SUSD6: variants seen among roughly 807,000 people sequenced by gnomAD.
SUSD6 encodes the protein sushi domain containing 6.
In SUSD6, 16 loss-of-function variants were observed where a neutral mutation model predicts 28.4. The ratio of observed to expected loss-of-function variants is 0.56; its 90% confidence interval spans 0.38 to 0.86. The LOEUF (loss-of-function observed/expected upper bound fraction) is 0.86, where lower values mean the gene tolerates loss of function less well. Ranked by LOEUF, SUSD6 falls within the 40% of genes least tolerant of loss-of-function variation. SUSD6 has a pLI of 0.00. For synonymous variants in SUSD6, 147 were observed against 159.6 expected (o/e 0.92, Z 0.59); for missense variants, 341 against 384.2 (o/e 0.89, Z 0.94).
rs756403613 is a variant in SUSD6, at chr14:69,712,664, G to C, written c.*1685G>C. ...AGATGAGGGGAGTGGTCTTCTCCCA[G>C]CCTTTTACCCTCTTGCCTCCTGCCT... is the stretch of plus-strand genomic sequence containing the variant. On this transcript the variant is annotated 3_prime_UTR_variant, in exon 6 of 6. Coordinates refer to ENST00000342745, the MANE Select transcript of SUSD6 (RefSeq NM_014734.4). The C allele has an allele frequency of 2.6e-5, 4 of 152,310 alleles. No homozygotes were observed. Among genetic ancestry groups the C allele is most frequent in the Non-Finnish European group, 4.4e-5 (3 of 68,182 alleles). The allele number at this position is 152,310 out of a possible 1,614,324, so 9.4% of individuals were successfully genotyped here. A position where few individuals can be genotyped will look rare whatever the true frequency, so the allele number is the denominator to read the frequency against.
At chr14:69,638,124 G>A (rs879689046) in intron 1 of SUSD6, among the ~76,000 whole-genome samples, 2 of 152,152 alleles carry the variant, frequency 1.3e-5, no homozygotes, top group Non-Finnish European at 2.9e-5. Context: ...AACAAAAAAT[G>A]TTAGAAATGA....
chr14:69,646,265 T>C (rs1356807880), intron 1 of SUSD6, among the ~76,000 whole-genome samples: 1 of 152,188 alleles, frequency 6.6e-6, no homozygotes, highest in African/African-American at 2.4e-5. Flanking sequence ...ATGCCCCTGG[T>C]TTCCATGTAC....
Position 69,714,508 on chromosome 14 carries a change from G to T in SUSD6, c.*3529G>T, listed in dbSNP as rs1329558164. The T allele has an allele frequency of 6.6e-6, 1 of 152,240 alleles. No individual in the cohort carries two copies. The highest frequency in any genetic ancestry group is 1.5e-5 in the Non-Finnish European group (1 of 68,054). 9.4% of individuals were successfully genotyped at this position (152,240 alleles called of 1,614,324 possible). A position where few individuals can be genotyped will look rare whatever the true frequency, so the allele number is the denominator to read the frequency against. On this transcript the variant is annotated 3_prime_UTR_variant, in exon 6 of 6. Coordinates refer to ENST00000342745, the MANE Select transcript of SUSD6 (RefSeq NM_014734.4). The stretch of plus-strand genomic sequence containing the variant: ...TTCACAGCTTAATGCCAAGGACAGC[G>T]AGTGAGGCTGGGAGCTTCTCTTGGG...
chr14:69,639,779 A>G (rs896819636), intron 1 of SUSD6, among the ~76,000 whole-genome samples: 2 of 152,102 alleles, frequency 1.3e-5, no homozygotes, highest in African/African-American at 4.8e-5. Context: ...TTTAGTTGAC[A>G]TGCCTTGCTC....
chr14:69,708,631 T>G (rs2139648379), intron 4 of SUSD6, 46 bp from the exon 5 acceptor site: 1 of 1,429,262 alleles, frequency 7.0e-7, no homozygotes, highest in Admixed American at 2.3e-5. Context: ...TGTTTCTCTG[T>G]GTGTTTATTC....
At chr14:69,695,414 G>A (rs573158931) in intron 2 of SUSD6, among the ~76,000 whole-genome samples, 4 of 152,346 alleles carry the variant, frequency 2.6e-5, no homozygotes, top group Admixed American at 2.6e-4. Context: ...GGACTTTTGC[G>A]AAGGAACCTT....
chr14:69,703,441 C>T lies in SUSD6; in HGVS notation c.168C>T (p.His56=), dbSNP rs1886340636. ...PEPENGGYIC[H]PRPCRDPLTA... ...CAGAGAATGGTGGCTACATCTGCCACCCCCGGCCCTGCAGAGACCCCCTGA... is the reference window on the plus strand; with the variant it reads ...CAGAGAATGGTGGCTACATCTGCCATCCCCGGCCCTGCAGAGACCCCCTGA... Residue 56 remains histidine (H), a synonymous_variant, in exon 3 of 6, where the codon CAC becomes CAT. Coordinates refer to ENST00000342745, the MANE Select transcript of SUSD6 (RefSeq NM_014734.4). The T allele has an allele frequency of 6.2e-7, 1 of 1,613,916 alleles. No individual in the cohort carries two copies. The highest frequency in any genetic ancestry group is 1.7e-5 in the Admixed American group (1 of 59,994).
At chr14:69,655,868 C>T (rs1240888256) in intron 1 of SUSD6, among the ~76,000 whole-genome samples, 1 of 152,076 alleles carries the variant, frequency 6.6e-6, no homozygotes, top group East Asian at 1.9e-4. Flanking sequence ...CTGCTCTTCC[C>T]TTGCCTGTCC....
intron 1 of SUSD6, among the ~76,000 whole-genome samples, chr14:69,643,167 T>C (rs1207175230): frequency 6.6e-6 from 1 of 152,212 alleles, no homozygotes; most frequent in Non-Finnish European, 1.5e-5. Context: ...CGTTATTTTA[T>C]CTGGTTTTTC....
intron 1 of SUSD6, among the ~76,000 whole-genome samples, chr14:69,635,012 T>C (rs887655046): frequency 3.9e-5 from 6 of 152,212 alleles, no homozygotes; most frequent in Non-Finnish European, 8.8e-5. Context: ...CTTAAGTTTA[T>C]TTAAATGTCA....
chr14:69,675,045 C>A (rs924792901), intron 2 of SUSD6, among the ~76,000 whole-genome samples: 6 of 152,088 alleles, frequency 3.9e-5, no homozygotes, highest in East Asian at 1.9e-4. Flanking sequence ...ATTTCCCCCC[C>A]ACCCCTCTGC....
chr14:69,679,144 A>G (rs149326757), intron 2 of SUSD6, among the ~76,000 whole-genome samples: 44 of 152,194 alleles, frequency 2.9e-4, no homozygotes, highest in African/African-American at 1.0e-3. Flanking sequence ...TCCTCTCCCA[A>G]TTTGTAGATT....
At chr14:69,651,083 AAAG>A (rs1186090307) in intron 1 of SUSD6, among the ~76,000 whole-genome samples, 1 of 152,196 alleles carries the variant, frequency 6.6e-6, no homozygotes, top group Non-Finnish European at 1.5e-5. Flanking sequence ...CTTACAGCTG[AAAG>A]GTCCTTTGGG....
At chr14:69,685,249 A>G (rs1200673386) in intron 2 of SUSD6, among the ~76,000 whole-genome samples, 1 of 152,210 alleles carries the variant, frequency 6.6e-6, no homozygotes, top group African/African-American at 2.4e-5. Flanking sequence ...GCCCTAAAGG[A>G]CATTACCCAC....
At chr14:69,687,078 G>A (rs1054415452) in intron 2 of SUSD6, among the ~76,000 whole-genome samples, 5 of 152,226 alleles carry the variant, frequency 3.3e-5, no homozygotes, top group South Asian at 2.1e-4. Context: ...GGGTTCAGGC[G>A]AGTCTCCTGC....
chr14:69,624,933 A>G (rs561971166), intron 1 of SUSD6, among the ~76,000 whole-genome samples: 3 of 152,326 alleles, frequency 2.0e-5, no homozygotes, highest in African/African-American at 7.2e-5. Flanking sequence ...ATTTTTTGCT[A>G]TTGGCATGTA....
chr14:69,622,610 T>A (rs1386084770), intron 1 of SUSD6, among the ~76,000 whole-genome samples: 1 of 152,206 alleles, frequency 6.6e-6, no homozygotes, highest in Non-Finnish European at 1.5e-5. Flanking sequence ...TTTTGTTTTT[T>A]TGAGATGGAG....
intron 1 of SUSD6, among the ~76,000 whole-genome samples, chr14:69,652,471 A>C (rs940329258): frequency 1.3e-5 from 2 of 152,128 alleles, no homozygotes; most frequent in African/African-American, 4.8e-5. Flanking sequence ...TAAATAAATA[A>C]ATAAATAAAA....
rs574617999 is a variant in SUSD6, at chr14:69,700,170, A to G, written c.122-3225A>G. ...AAGCTTCCAGCTTGCTTATCTATGC[A>G]GCTCGATTTTTCAGGCTGCTCTTTG... On this transcript the variant is annotated intron_variant, in intron 2 of 5. Transcript: ENST00000342745. Among the ~76,000 whole-genome samples the G allele has an allele frequency of 1.1e-3, 163 of 152,246 alleles. 2 individuals are homozygous for G. The highest frequency in any genetic ancestry group is 5.2e-3 in the South Asian group (25 of 4,820).
Sources: gnomAD v4.1 joint callset for allele counts (sites outside exome capture counted in the v4.1 genomes callset) on GRCh38, gnomAD v4.1.1 for gene constraint, MANE v1.5 for transcripts, NCBI Gene and HGNC (gene_info 2026-07-23, HGNC 2026-07-21) for gene names.